GLIS3: variants seen among roughly 807,000 people sequenced by gnomAD.
GLIS3 encodes GLIS family zinc finger 3, also known as zinc finger protein GLIS3.
Under a neutral mutation model 78.6 loss-of-function variants are expected in GLIS3, and 53 were observed. That is an observed-to-expected ratio of 0.67 (90% CI 0.54 to 0.85). The LOEUF is 0.85. GLIS3 is among the 40% of genes least tolerant of loss of function. The pLI, the probability that GLIS3 is intolerant of heterozygous loss-of-function variation, is 0.00. For missense variants in GLIS3, 1,703 were observed against 1,231.1 expected (o/e 1.38, Z -5.74); for synonymous variants, 684 against 509.9 (o/e 1.34, Z -4.60).
At chr9:4,289,747 G>C (rs2380950) in intron 1 of GLIS3, among the ~76,000 whole-genome samples, 1 of 152,028 alleles carries the variant, frequency 6.6e-6, no homozygotes, top group African/African-American at 2.4e-5. Flanking sequence ...TTGTGGCATA[G>C]CTAGAGTTTT....
intron 2 of GLIS3, among the ~76,000 whole-genome samples, chr9:4,194,931 C>G (rs1818671406): frequency 6.6e-6 from 1 of 152,244 alleles, no homozygotes; most frequent in Non-Finnish European, 1.5e-5. Flanking sequence ...CAACTGCGTA[C>G]AAAGTCAGTC....
the GLIS3 span, among the ~76,000 whole-genome samples, chr9:4,479,415 C>T: frequency 1.3e-5 from 2 of 152,136 alleles, no homozygotes; most frequent in African/African-American, 4.8e-5. Context: ...TGTATTCTTT[C>T]CTGTCTTTTG....
At chr9:4,452,967 A>C in the GLIS3 span, among the ~76,000 whole-genome samples, 2 of 152,316 alleles carry the variant, frequency 1.3e-5, no homozygotes, top group African/African-American at 4.8e-5. Context: ...AAACAGAGAG[A>C]TAGACCAATG....
intron 4 of GLIS3, among the ~76,000 whole-genome samples, chr9:3,961,634 G>C (rs531776981): frequency 6.6e-6 from 1 of 152,298 alleles, no homozygotes; most frequent in East Asian, 1.9e-4. Flanking sequence ...AGTACTTTGT[G>C]GGCTCTCCCA....
chr9:3,840,726 G>A (rs767579090), intron 9 of GLIS3, among the ~76,000 whole-genome samples: 6 of 152,208 alleles, frequency 3.9e-5, no homozygotes, highest in Non-Finnish European at 8.8e-5. Context: ...GTCGTAGCAT[G>A]AAGGCTTCTA....
intron 2 of GLIS3, among the ~76,000 whole-genome samples, chr9:4,198,602 G>A (rs1227199821): frequency 6.6e-6 from 1 of 152,158 alleles, no homozygotes; most frequent in African/African-American, 2.4e-5. Flanking sequence ...ATTCCTGAGA[G>A]AAGTGGAGAA....
At chr9:3,898,995 G>T (rs1264248475) in intron 6 of GLIS3, 160 bp from the exon 7 acceptor site, 5 of 858,964 alleles carry the variant, frequency 5.8e-6, no homozygotes, top group Non-Finnish European at 9.4e-6. Flanking sequence ...TCAATAAAAG[G>T]ATCAGTTCTC....
At chr9:4,063,027 A>T (rs1170404745) in intron 4 of GLIS3, among the ~76,000 whole-genome samples, 5 of 151,958 alleles carry the variant, frequency 3.3e-5, no homozygotes, top group Admixed American at 2.6e-4. Flanking sequence ...CTTGGAATAA[A>T]CTCTCTTGAC....
the GLIS3 span, among the ~76,000 whole-genome samples, chr9:4,380,844 G>A: frequency 2.0e-5 from 3 of 152,210 alleles, no homozygotes; most frequent in African/African-American, 7.2e-5. Context: ...AGAACGAGAA[G>A]AGAAGGACTC....
At chr9:4,235,871 T>C (rs547286288) in intron 2 of GLIS3, among the ~76,000 whole-genome samples, 1 of 152,188 alleles carries the variant, frequency 6.6e-6, no homozygotes, top group East Asian at 1.9e-4. Context: ...AATCTCACTA[T>C]GCAGAAAGCA....
intron 2 of GLIS3, among the ~76,000 whole-genome samples, chr9:4,225,672 A>G (rs1011910737): frequency 2.0e-5 from 3 of 152,212 alleles, no homozygotes; most frequent in Admixed American, 2.0e-4. Context: ...CTTCAACCAC[A>G]TCTAAGGGAA....
chr9:3,895,576 T>A (rs1822770895), intron 7 of GLIS3, among the ~76,000 whole-genome samples: 1 of 152,194 alleles, frequency 6.6e-6, no homozygotes, highest in South Asian at 2.1e-4. Context: ...AATAAAAGTA[T>A]TTTCAGGCAA....
At chr9:4,059,231 T>G (rs998378429) in intron 4 of GLIS3, among the ~76,000 whole-genome samples, 1 of 152,236 alleles carries the variant, frequency 6.6e-6, no homozygotes, top group African/African-American at 2.4e-5. Flanking sequence ...CTATGCTTTA[T>G]GCTAAGCTGT....
chr9:4,089,806 A>C (rs973303762), intron 4 of GLIS3, among the ~76,000 whole-genome samples: 2 of 152,226 alleles, frequency 1.3e-5, no homozygotes, highest in African/African-American at 4.8e-5. Flanking sequence ...GCAACAAACA[A>C]GACCCTGACA....
At chr9:3,961,716 A>G (rs1372189055) in intron 4 of GLIS3, among the ~76,000 whole-genome samples, 1 of 152,222 alleles carries the variant, frequency 6.6e-6, no homozygotes, top group East Asian at 1.9e-4. Flanking sequence ...TCTCTGCACA[A>G]TTAGACAAAG....
intron 2 of GLIS3, among the ~76,000 whole-genome samples, chr9:4,342,195 G>C (rs571585450): frequency 1.3e-5 from 2 of 152,240 alleles, no homozygotes; most frequent in South Asian, 2.1e-4. Context: ...CATTTCCTAG[G>C]TTATCTTTCA....
intron 2 of GLIS3, among the ~76,000 whole-genome samples, chr9:4,240,897 T>C (rs1262429950): frequency 1.3e-5 from 2 of 151,974 alleles, no homozygotes; most frequent in African/African-American, 2.4e-5. Flanking sequence ...TAAATAAAAA[T>C]TAATGACACA....
At chr9:4,485,225 G>C in the GLIS3 span, among the ~76,000 whole-genome samples, 1 of 152,046 alleles carries the variant, frequency 6.6e-6, no homozygotes. Flanking sequence ...ATGTTGGCCA[G>C]GCTGTTCTTA....
At chr9:4,128,177 C>T (rs1832717355) in intron 2 of GLIS3, among the ~76,000 whole-genome samples, 2 of 152,212 alleles carry the variant, frequency 1.3e-5, no homozygotes, top group Admixed American at 6.5e-5. Context: ...CCTAACTTAT[C>T]CACCTAGTGA....
Sources: gnomAD v4.1 joint callset for allele counts (sites outside exome capture counted in the v4.1 genomes callset) on GRCh38, gnomAD v4.1.1 for gene constraint, MANE v1.5 for transcripts, NCBI Gene and HGNC (gene_info 2026-07-23, HGNC 2026-07-21) for gene names.